PLA2G6: variants seen among roughly 807,000 people sequenced by gnomAD.
PLA2G6 encodes phospholipase A2 group VI, also known as 85/88 kDa calcium-independent phospholipase A2.
PLA2G6 carries 62 observed loss-of-function variants against 83.8 expected under a neutral mutation model. The observed-to-expected ratio is 0.74, with a 90% confidence interval of 0.60 to 0.91. The LOEUF (loss-of-function observed/expected upper bound fraction) is 0.91. PLA2G6 is among the 40% of genes least tolerant of loss of function. PLA2G6 has a pLI of 0.00. For synonymous variants in PLA2G6, 417 were observed against 449.8 expected (o/e 0.93, Z 0.92); for missense variants, 944 against 1,102.0 (o/e 0.86, Z 2.03).
At chr22:38,117,486 C>A (rs11570745) in intron 12 of PLA2G6, among the ~76,000 whole-genome samples, 1 of 151,838 alleles carries the variant, frequency 6.6e-6, no homozygotes, top group Non-Finnish European at 1.5e-5. Context: ...TGAGCCACTG[C>A]GCCTGGCCAA....
intron 3 of PLA2G6, 170 bp from the exon 4 acceptor site, chr22:38,143,458 T>C (rs2089046795): frequency 4.2e-6 from 3 of 712,122 alleles, no homozygotes; most frequent in African/African-American, 3.5e-5. Flanking sequence ...AATGTAATTA[T>C]ATCTGATGTG....
intron 2 of PLA2G6, chr22:38,148,642 T>C: frequency 2.9e-6 from 2 of 691,368 alleles, no homozygotes; most frequent in Non-Finnish European, 5.3e-6. Flanking sequence ...AGGAGAGCCC[T>C]GATGAACATC....
intron 1 of PLA2G6, among the ~76,000 whole-genome samples, chr22:38,175,263 C>T (rs2090589813): frequency 6.6e-6 from 1 of 152,182 alleles, no homozygotes; most frequent in Non-Finnish European, 1.5e-5. Context: ...CCTCTGAATG[C>T]TCAGAGCACC....
intron 6 of PLA2G6, chr22:38,133,354 C>T: frequency 2.7e-6 from 1 of 374,554 alleles, no homozygotes; most frequent in South Asian, 3.1e-5. Context: ...TCCCTGGAAC[C>T]CTGCAAAGGT....
In PLA2G6 at chr22:38,132,195, T is replaced by C. The variant is rs2088260227; in HGVS notation, c.1077+636A>G. 2.3e-6 allele frequency: 1 copy of C among 434,148 alleles called. No homozygotes were observed. The highest frequency in any genetic ancestry group is 2.6e-5 in the Admixed American group (1 of 38,626). The allele number at this position is 434,148 out of a possible 1,614,324, so 26.9% of individuals were successfully genotyped here. A position where few individuals can be genotyped will look rare whatever the true frequency, so the allele number is the denominator to read the frequency against. ...TGCTAGGTTTAATATGTTCATACTC[T>C]AGATGTGTAACCAGACAGTAAGGGC... On this transcript the variant is annotated intron_variant, in intron 7 of 16. Coordinates refer to ENST00000332509, the MANE Select transcript of PLA2G6 (RefSeq NM_003560.4). This position sits in a 1 kb window ranked among gnomAD's most constrained non-coding sequence, Gnocchi z 5.0.
rs1215625422 is a variant in PLA2G6, at chr22:38,146,681, A to T, written c.210-1028T>A. ...TGTTTAACCTAAATGTACAGCAACA[A>T]AATATTATATAAATTATGGTATAAC... On this transcript the variant is annotated intron_variant, in intron 2 of 16. Transcript: ENST00000332509. The T allele has an allele frequency of 1.3e-5, 2 of 152,178 alleles. 1 individual carries two copies. The highest frequency in any genetic ancestry group is 4.1e-4 in the South Asian group (2 of 4,832). 9.4% of individuals were successfully genotyped at this position (152,178 alleles called of 1,614,324 possible).
chr22:38,169,346 C>A lies in PLA2G6; in HGVS notation c.81G>T (p.Val27=). 1.2e-6 allele frequency: 2 copies of A among 1,614,210 alleles called. No individual in the cohort carries two copies. The highest frequency in any genetic ancestry group is 1.7e-6 in the Non-Finnish European group (2 of 1,180,016). The part of the protein sequence containing the change: ...LFSNPFRVKE[V]AVADYTSSDR... ...CACTCGAGGTGTAGTCGGCCACAGCCACCTCCTTCACCCGGAATGGGTTAG... is the reference window on the plus strand; with the variant it reads ...CACTCGAGGTGTAGTCGGCCACAGCAACCTCCTTCACCCGGAATGGGTTAG... The change falls in exon 2 of 17, where the codon GTG becomes GTT. Residue 27 remains valine, a synonymous_variant. Transcript: ENST00000332509.
At position 38,126,438 on chromosome 22, in the gene PLA2G6, G is replaced by A; in HGVS notation, c.1360C>T (p.Leu454Phe). The A allele has an allele frequency of 1.2e-6, 2 of 1,613,250 alleles. No homozygotes were observed. The highest frequency in any genetic ancestry group is 1.7e-6 in the Non-Finnish European group (2 of 1,179,724). The change falls in exon 10 of 17, where the codon CTC becomes TTC. Residue 454 changes from leucine (L) to phenylalanine (F), a missense_variant. By Grantham distance (22) the Leu-to-Phe change is conservative. Transcript: ENST00000332509. ...TTCCGGGCCCGTGAGATGTGCATGA[G>A]ATCCTGTAGTTCTGTGAGGCACAGA... ...ISLNNLELQD[L>F]MHISRARKPA...
chr22:38,133,341 C>T (rs928691895), intron 6 of PLA2G6: 2 of 419,308 alleles, frequency 4.8e-6, no homozygotes, highest in Admixed American at 7.4e-5. Flanking sequence ...CTCCCTGCAT[C>T]CCTCCCTGGA....
chr22:38,126,251 G>C (rs1036416379), intron 10 of PLA2G6, 120 bp downstream of exon 10: 5 of 775,898 alleles, frequency 6.4e-6, no homozygotes, highest in Non-Finnish European at 1.2e-5. Context: ...ACTAGGAGCA[G>C]AGCCACTTCG....
chr22:38,162,493 G>A (rs2090058519), intron 2 of PLA2G6, among the ~76,000 whole-genome samples: 1 of 152,144 alleles, frequency 6.6e-6, no homozygotes, highest in Admixed American at 6.5e-5. Flanking sequence ...CTGTGTGGGT[G>A]GAGGACTAGA....
chr22:38,172,427 T>C (rs1177347466), intron 1 of PLA2G6, among the ~76,000 whole-genome samples: 1 of 152,198 alleles, frequency 6.6e-6, no homozygotes, highest in African/African-American at 2.4e-5. Context: ...ATATTATGCA[T>C]AGAAAAAACA....
rs761956614 is a variant in PLA2G6 at position 38,169,300 on chromosome 22, G to A, written c.127C>T (p.Gln43Ter). 6.2e-7 allele frequency: 1 copy of A among 1,614,184 alleles called. No individual in the cohort carries two copies. Among genetic ancestry groups the A allele is most frequent in the South Asian group, 1.1e-5 (1 of 91,086 alleles). The change falls in exon 2 of 17, where the codon CAG becomes TAG. Residue 43 changes from glutamine (Q) to a stop codon, truncating the protein, a stop_gained. Transcript: ENST00000332509. LOFTEE classifies it high-confidence loss of function. ...TSSDRVREEGQLILFQNTPNR... is the reference protein window; with the variant it reads ...TSSDRVREEG ...GGAGTGTTCTGGAACAGAATCAGCT[G>A]CCCTTCCTCCCGAACTCGGTCACTC...
chr22:38,176,089 G>C (rs2090620114), intron 1 of PLA2G6, among the ~76,000 whole-genome samples: 2 of 152,110 alleles, frequency 1.3e-5, no homozygotes, highest in Admixed American at 6.5e-5. Flanking sequence ...GCCCACAAGG[G>C]GTTCGCTCCT....
At position 38,123,284 on chromosome 22, in the gene PLA2G6, G is replaced by C; in HGVS notation, c.1428-26C>G. ...CTGCAGTGGGAACAGCAGTGGGAGA[G>C]AGGAGGGTCCTGCCACAGCCCAGTA... On this transcript the variant is annotated intron_variant, in intron 10 of 16. Transcript: ENST00000332509. The surrounding 1 kb of genome is among the most constrained non-coding windows in gnomAD (Gnocchi z 4.1). 1.3e-6 allele frequency: 2 copies of C among 1,553,698 alleles called. No individual in the cohort carries two copies. Among genetic ancestry groups the C allele is most frequent in the African/African-American group, 1.4e-5 (1 of 73,424 alleles).
chr22:38,120,463 GGGCAGGGCAGAGCCA>G (rs1415716580), intron 12 of PLA2G6, among the ~76,000 whole-genome samples: 6 of 149,850 alleles, frequency 4.0e-5, no homozygotes, highest in East Asian at 3.9e-4. Context: ...ACCCCTGGCC[GGGCAGGGCAGAGCCA>G]GGCAGGGCAG....
Position 38,132,957 on chromosome 22 carries a change from C to T in PLA2G6, c.951G>A (p.Gly317=). ...TCACCGCCACGTGCAGGGCCGTGTT[C>T]CCCGCGGAGCTGGTGCTGTTCACGT... ...GCNVNSTSSA[G]NTALHVAVMR... Residue 317 remains glycine, a synonymous_variant, in exon 7 of 17, where the codon GGG becomes GGA. Transcript: ENST00000332509. This position sits in a 1 kb window ranked among gnomAD's most constrained non-coding sequence, Gnocchi z 5.0. The T allele has an allele frequency of 6.4e-7, 1 of 1,563,772 alleles. No homozygotes were observed. Among genetic ancestry groups the T allele is most frequent in the Non-Finnish European group, 8.7e-7 (1 of 1,154,596 alleles).
At chr22:38,155,706 A>C (rs571762118) in intron 2 of PLA2G6, among the ~76,000 whole-genome samples, 1 of 152,364 alleles carries the variant, frequency 6.6e-6, no homozygotes, top group East Asian at 1.9e-4. Flanking sequence ...AAAAAGCAAG[A>C]AATTAAAACA....
rs1456513786 is a variant in PLA2G6 at position 38,132,941 on chromosome 22, C to A, written c.967G>T (p.Val323Leu). 3.8e-6 allele frequency: 6 copies of A among 1,561,916 alleles called. No individual in the cohort carries two copies. The South Asian group carries it at 5.9e-5, about 15-fold the overall frequency. ...TCGAAGCGGTTGCGCATCACCGCCA[C>A]GTGCAGGGCCGTGTTCCCCGCGGAG... The part of the protein sequence containing the change: ...TSSAGNTALH[V>L]AVMRNRFDCA... The change falls in exon 7 of 17, where the codon GTG (valine) becomes TTG (leucine). Residue 323 changes from valine to leucine, a missense_variant. By Grantham distance (32) the Val-to-Leu change is conservative (BLOSUM62 1). Transcript: ENST00000332509. This position sits in a 1 kb window ranked among gnomAD's most constrained non-coding sequence, Gnocchi z 5.0.
Sources: gnomAD v4.1 joint callset for allele counts (sites outside exome capture counted in the v4.1 genomes callset) on GRCh38, gnomAD v4.1.1 for gene constraint, Gnocchi (gnomAD v3.1) non-coding constraint, MANE v1.5 for transcripts, NCBI Gene and HGNC (gene_info 2026-07-23, HGNC 2026-07-21) for gene names.